The following RANBP9 variants were observed in gnomAD, a reference collection of about 807,000 sequenced individuals.
The protein encoded by RANBP9 is RAN binding protein 9.
In RANBP9, 15 loss-of-function variants were observed where a neutral mutation model predicts 84.3. The observed-to-expected ratio is 0.18, with a 90% CI of 0.12 to 0.27. The LOEUF (loss-of-function observed/expected upper bound fraction) is 0.27, where lower values mean the gene tolerates loss of function less well. Among genes scored for constraint, RANBP9 ranks in the 10% least tolerant of loss-of-function variants. The pLI, the probability that RANBP9 is intolerant of heterozygous loss-of-function variation, is 1.00. For missense variants in RANBP9, 809 were observed against 912.8 expected (o/e 0.89, Z 1.46); for synonymous variants, 392 against 349.6 (o/e 1.12, Z -1.35).
chr6:13,710,558 G>C (rs554197041), intron 1 of RANBP9, among the ~76,000 whole-genome samples: 1 of 152,222 alleles, frequency 6.6e-6, no homozygotes, highest in East Asian at 1.9e-4. Flanking sequence ...ACCACCTGGA[G>C]AACAATGTAA....
intron 12 of RANBP9, among the ~76,000 whole-genome samples, chr6:13,630,615 G>C (rs981925318): frequency 2.0e-5 from 3 of 152,116 alleles, no homozygotes; most frequent in East Asian, 1.9e-4. Context: ...CCTTTCAGGG[G>C]ATCTGTGAAG....
intron 5 of RANBP9, among the ~76,000 whole-genome samples, chr6:13,648,765 A>C (rs1279828631): frequency 6.6e-6 from 1 of 152,236 alleles, no homozygotes; most frequent in East Asian, 1.9e-4. Context: ...ATTTCAAGTC[A>C]GTGCCCAGAA....
chr6:13,696,014 G>A (rs770241670), intron 2 of RANBP9, among the ~76,000 whole-genome samples: 1 of 152,086 alleles, frequency 6.6e-6, no homozygotes, highest in Non-Finnish European at 1.5e-5. Context: ...CCTCTGATAT[G>A]CAATAAAGTT....
At chr6:13,632,319 A>C in intron 12 of RANBP9, 51 bp downstream of exon 12, 1 of 1,565,990 alleles carries the variant, frequency 6.4e-7, no homozygotes, top group Non-Finnish European at 8.7e-7. Flanking sequence ...ACAAAACTAC[A>C]TTTTAGTTCC....
chr6:13,628,340 GTAAA>G (rs1196514951), intron 12 of RANBP9, among the ~76,000 whole-genome samples: 2 of 152,134 alleles, frequency 1.3e-5, no homozygotes, highest in African/African-American at 4.8e-5. Flanking sequence ...AGGCTTACAT[GTAAA>G]TAAATAACAC....
chr6:13,694,828 T>C (rs927438797), intron 2 of RANBP9, among the ~76,000 whole-genome samples: 2 of 152,058 alleles, frequency 1.3e-5, no homozygotes, highest in Non-Finnish European at 2.9e-5. Flanking sequence ...CTCTCAATTA[T>C]CAGACTGAAA....
At position 13,641,389 on chromosome 6, in the gene RANBP9, A is replaced by T. The variant is rs565266339; in HGVS notation, c.1226-82T>A. 5.1e-6 allele frequency: 4 copies of T among 786,588 alleles called. No individual in the cohort carries two copies. In the Admixed American group the frequency reaches 8.6e-5, roughly 17 times the overall value. 48.7% of individuals were successfully genotyped at this position (786,588 alleles called of 1,614,324 possible). ...CTTAGTGACCTCAGAAAAGAAAGTT[A>T]GTAAGAAATCTTTAAATAAATTATG... On this transcript the variant is annotated intron_variant, in intron 7 of 13. Coordinates refer to ENST00000011619, the MANE Select transcript of RANBP9 (RefSeq NM_005493.3).
chr6:13,650,218 G>C (rs1293332208), intron 5 of RANBP9, among the ~76,000 whole-genome samples: 4 of 149,118 alleles, frequency 2.7e-5, no homozygotes, highest in Non-Finnish European at 5.9e-5. Flanking sequence ...CCAAAGTGGT[G>C]TTGAACTCCT....
chr6:13,644,517 G>C (rs370198780), intron 6 of RANBP9, 28 bp downstream of exon 6: 1 of 1,590,204 alleles, frequency 6.3e-7, no homozygotes, highest in Non-Finnish European at 8.6e-7. Flanking sequence ...ATTCTGAATA[G>C]CATCAATTGA....
At chr6:13,685,995 G>A (rs575993068) in intron 2 of RANBP9, among the ~76,000 whole-genome samples, 69 of 149,422 alleles carry the variant, frequency 4.6e-4, no homozygotes, top group African/African-American at 1.6e-3. Context: ...CGAAAGAAAC[G>A]AGCAGAAGTA....
At chr6:13,648,502 A>G (rs1472528808) in intron 5 of RANBP9, among the ~76,000 whole-genome samples, 1 of 152,182 alleles carries the variant, frequency 6.6e-6, no homozygotes, top group African/African-American at 2.4e-5. Context: ...TTGTCACTGT[A>G]GATTTATATG....
chr6:13,666,521 G>C (rs1390130289), intron 2 of RANBP9, among the ~76,000 whole-genome samples: 1 of 139,844 alleles, frequency 7.2e-6, no homozygotes, highest in Non-Finnish European at 1.5e-5. Flanking sequence ...TAATCCCAAA[G>C]GAAAACAAAA....
At chr6:13,693,836 C>A (rs902864816) in intron 2 of RANBP9, among the ~76,000 whole-genome samples, 13 of 151,568 alleles carry the variant, frequency 8.6e-5, no homozygotes, top group African/African-American at 3.2e-4. Context: ...TGAGGTCAGG[C>A]GCTCGAGACC....
At chr6:13,682,557 A>G (rs1380805210) in intron 2 of RANBP9, among the ~76,000 whole-genome samples, 2 of 151,838 alleles carry the variant, frequency 1.3e-5, no homozygotes, top group Non-Finnish European at 2.9e-5. Flanking sequence ...GGTTCAAGCG[A>G]TTCTCCAGCC....
intron 8 of RANBP9, 46 bp from the exon 9 acceptor site, chr6:13,639,799 C>A: frequency 6.9e-7 from 1 of 1,459,630 alleles, no homozygotes; most frequent in South Asian, 1.2e-5. Context: ...CTTCAAATGG[C>A]CTTTTATTTA....
chr6:13,676,207 T>A (rs1415733817), intron 2 of RANBP9, among the ~76,000 whole-genome samples: 1 of 152,152 alleles, frequency 6.6e-6, no homozygotes, highest in Non-Finnish European at 1.5e-5. Context: ...GTGTACGATA[T>A]ATTGTGTTCA....
intron 13 of RANBP9, among the ~76,000 whole-genome samples, chr6:13,624,560 T>A (rs559358481): frequency 6.6e-6 from 1 of 152,312 alleles, no homozygotes; most frequent in Middle Eastern, 3.4e-3. Flanking sequence ...CTCAAACTTG[T>A]TTTATGTAAA....
chr6:13,700,829 C>T (rs1757949733), intron 1 of RANBP9, among the ~76,000 whole-genome samples: 1 of 152,176 alleles, frequency 6.6e-6, no homozygotes, highest in Admixed American at 6.5e-5. Context: ...TTTACTAGGA[C>T]TGTAATTTTT....
chr6:13,654,934 A>G lies in RANBP9; in HGVS notation c.904+2175T>C, dbSNP rs150342028. Among the ~76,000 whole-genome samples, 507 of 152,344 alleles carry G rather than the reference A, an allele frequency of 3.3e-3. 2 individuals carry two copies. Among genetic ancestry groups the G allele is most frequent in the African/African-American group, 0.012 (493 of 41,578 alleles). ...TAGATGCCAGAACTGTGCACATACT[A>G]TTGCAGTTTAGTCTAACCACCTTAG... On this transcript the variant is annotated intron_variant, in intron 4 of 13. Coordinates refer to ENST00000011619, the MANE Select transcript of RANBP9 (RefSeq NM_005493.3).
Sources: allele counts gnomAD v4.1 joint callset (sites outside exome capture counted in the v4.1 genomes callset), GRCh38; gene constraint gnomAD v4.1.1; transcripts MANE v1.5; gene names NCBI Gene and HGNC (gene_info 2026-07-23, HGNC 2026-07-21).